Variants in EYS observed in about 807,000 individuals in gnomAD.
The protein encoded by EYS is EGF-like photoreceptor maintenance factor.
A neutral mutation model predicts 282.1 loss-of-function variants in EYS; 250 were observed. The observed-to-expected ratio is 0.89, with a 90% confidence interval of 0.80 to 0.98. EYS has a LOEUF of 0.98. EYS is among the 50% of genes least tolerant of loss of function. The pLI is 0.00. For synonymous variants in EYS, 1,355 were observed against 1,282.9 expected (o/e 1.06, Z -1.20); for missense variants, 4,016 against 3,709.0 (o/e 1.08, Z -2.15).
chr6:63,945,409 A>G (rs1442138754), intron 35 of EYS, among the ~76,000 whole-genome samples: 2 of 152,156 alleles, frequency 1.3e-5, no homozygotes, highest in African/African-American at 4.8e-5. Flanking sequence ...TATGGGAACT[A>G]CCATTCAAGA....
intron 29 of EYS, among the ~76,000 whole-genome samples, chr6:64,362,130 A>C (rs900756181): frequency 2.6e-5 from 4 of 151,790 alleles, no homozygotes; most frequent in Non-Finnish European, 5.9e-5. Flanking sequence ...TCTCCTCATA[A>C]TTTTATAGAA....
intron 31 of EYS, among the ~76,000 whole-genome samples, chr6:64,200,602 C>T (rs1765434371): frequency 6.6e-6 from 1 of 152,126 alleles, no homozygotes; most frequent in Admixed American, 6.6e-5. Flanking sequence ...GAGTGTCAGA[C>T]TCAGAGTTCA....
At chr6:65,654,966 TG>T in intron 1 of EYS, among the ~76,000 whole-genome samples, 1 of 139,576 alleles carries the variant, frequency 7.2e-6, no homozygotes, top group Non-Finnish European at 1.5e-5. Flanking sequence ...CTGAAGAGTC[TG>T]GGTCATTCAT....
chr6:64,068,979 G>A (rs1017850804), intron 32 of EYS, among the ~76,000 whole-genome samples: 1 of 152,044 alleles, frequency 6.6e-6, no homozygotes, highest in Admixed American at 6.6e-5. Context: ...AAGGGAGGAA[G>A]AGGGAGACTT....
intron 22 of EYS, among the ~76,000 whole-genome samples, chr6:64,772,127 A>G (rs1036688253): frequency 1.3e-5 from 2 of 151,536 alleles, no homozygotes; most frequent in African/African-American, 4.8e-5. Flanking sequence ...ATATATCTTT[A>G]TTCATCTTTT....
At chr6:65,418,610 T>C (rs528182872) in intron 5 of EYS, among the ~76,000 whole-genome samples, 95 of 152,100 alleles carry the variant, frequency 6.2e-4, no homozygotes, top group Non-Finnish European at 1.0e-3. Flanking sequence ...CCATCATCCT[T>C]AGCAAACTAA....
intron 22 of EYS, among the ~76,000 whole-genome samples, chr6:64,790,760 T>C: frequency 6.6e-6 from 1 of 151,928 alleles, no homozygotes; most frequent in East Asian, 1.9e-4. Context: ...AAAAGTGTTA[T>C]CATTTCAAAG....
At chr6:65,580,679 A>G (rs1194148170) in intron 2 of EYS, among the ~76,000 whole-genome samples, 1 of 152,076 alleles carries the variant, frequency 6.6e-6, no homozygotes, top group African/African-American at 2.4e-5. Context: ...ATGAAATGAG[A>G]CAGAGTCCAT....
intron 11 of EYS, chr6:65,331,108 C>T (rs1274020852): frequency 1.0e-6 from 1 of 981,552 alleles, no homozygotes; most frequent in Non-Finnish European, 1.2e-6. Context: ...ATTAGTCTTC[C>T]TTTTCAAAGA....
chr6:63,789,098 G>C lies in EYS; in HGVS notation c.7538C>G (p.Thr2513Ser), dbSNP rs1472840777. Reference sequence around the variant, plus strand: ...TTGGAAGAACTTGCCCAGATGAACAGTGTGGACTCCAAGGCTCAGATTGAG... The same window carrying C: ...TTGGAAGAACTTGCCCAGATGAACACTGTGGACTCCAAGGCTCAGATTGAG... ...EPLNLSLGVHTVHLGKFFQEG... is the reference protein window; with the variant it reads ...EPLNLSLGVHSVHLGKFFQEG... Residue 2513 changes from threonine (T) to serine (S), a missense_variant, in exon 38 of 43, where the codon ACT becomes AGT. Physicochemically the swap from Thr to Ser is moderately conservative, Grantham distance 58. Transcript: ENST00000503581. 1 of 1,551,686 alleles carries C rather than the reference G, an allele frequency of 6.4e-7. No homozygotes were observed. The highest frequency in any genetic ancestry group is 2.4e-5 in the East Asian group (1 of 40,922).
chr6:64,590,874 A>G lies in EYS; in HGVS notation c.4993T>C (p.Cys1665Arg). Reference sequence around the variant, plus strand: ...GTTTGTGAAGGGACAATGGATAAACAAGTCTTATCCAAACATAAATTAACA... The same window carrying G: ...GTTTGTGAAGGGACAATGGATAAACGAGTCTTATCCAAACATAAATTAACA... ...LDVNLCLDKT[C>R]LSIVPSQTIS... The change falls in exon 26 of 43, where the codon TGT becomes CGT. Residue 1665 changes from cysteine (C) to arginine (R), a missense_variant. Cys to Arg is a radical substitution (Grantham distance 180). Coordinates refer to ENST00000503581, the MANE Select transcript of EYS (RefSeq NM_001142800.2). The G allele has an allele frequency of 6.4e-7, 1 of 1,550,402 alleles. No individual in the cohort carries two copies. Among genetic ancestry groups the G allele is most frequent in the Non-Finnish European group, 8.7e-7 (1 of 1,146,372 alleles).
intron 33 of EYS, among the ~76,000 whole-genome samples, chr6:64,018,045 T>C (rs6926181): frequency 0.041 from 6,271 of 152,302 alleles, 436 homozygotes; most frequent in African/African-American, 0.14. Context: ...CCATGTCTTA[T>C]GTGTAAACCT....
At chr6:65,295,788 T>C in intron 12 of EYS, 75 bp downstream of exon 12, 6 of 1,212,470 alleles carry the variant, frequency 4.9e-6, no homozygotes, top group Non-Finnish European at 6.9e-6. Flanking sequence ...GAGATATATT[T>C]GAGATATATC....
At chr6:65,515,479 G>C (rs1417797485) in intron 2 of EYS, among the ~76,000 whole-genome samples, 1 of 150,866 alleles carries the variant, frequency 6.6e-6, no homozygotes, top group Non-Finnish European at 1.5e-5. Context: ...CTGCTATAAA[G>C]ACACATGCAC....
rs577446648 is a variant in EYS, at chr6:64,504,540, T to C, written c.5645-65188A>G. ...GTTCTGGATGCTGGACATTCACTACTGCTGTCAGAAAACTCACTGTCAAGT... is the reference window on the plus strand; with the variant it reads ...GTTCTGGATGCTGGACATTCACTACCGCTGTCAGAAAACTCACTGTCAAGT... On this transcript the variant is annotated intron_variant, in intron 26 of 42. Transcript: ENST00000503581. 2.6e-5 allele frequency among the ~76,000 whole-genome samples: 4 copies of C among 152,312 alleles called. No homozygotes were observed. The East Asian group carries it at 7.7e-4, about 29-fold the overall frequency.
Position 64,911,235 on chromosome 6 carries a change from G to T in EYS, c.2641+1249C>A, listed in dbSNP as rs578168276. Among the ~76,000 whole-genome samples, 306 of 152,112 alleles carry T rather than the reference G, an allele frequency of 2.0e-3. 1 individual carries two copies. Among genetic ancestry groups the T allele is most frequent in the African/African-American group, 7.2e-3 (299 of 41,532 alleles). Reference sequence around the variant, plus strand: ...TACTAAATTTTTCTGGGCATCAAATGCTCCCCTTGTATTTTTTCGTTTTTT... The same window carrying T: ...TACTAAATTTTTCTGGGCATCAAATTCTCCCCTTGTATTTTTTCGTTTTTT... On this transcript the variant is annotated intron_variant, in intron 16 of 42. Coordinates refer to ENST00000503581, the MANE Select transcript of EYS (RefSeq NM_001142800.2).
chr6:65,026,119 G>T (rs1380871985), intron 13 of EYS, among the ~76,000 whole-genome samples: 1 of 152,028 alleles, frequency 6.6e-6, no homozygotes, highest in Non-Finnish European at 1.5e-5. Flanking sequence ...GATTGAAAAA[G>T]ACTTCTTCAG....
At chr6:65,139,342 A>G (rs1459498707) in intron 12 of EYS, among the ~76,000 whole-genome samples, 1 of 152,114 alleles carries the variant, frequency 6.6e-6, no homozygotes, top group Non-Finnish European at 1.5e-5. Flanking sequence ...ACAGAAAACC[A>G]AATACCATCT....
intron 30 of EYS, among the ~76,000 whole-genome samples, chr6:64,287,269 T>C (rs1768535062): frequency 6.6e-6 from 1 of 152,164 alleles, no homozygotes. Flanking sequence ...ATAATTCACA[T>C]ATGATTCAGA....
Sources: allele counts gnomAD v4.1 joint callset (sites outside exome capture counted in the v4.1 genomes callset), GRCh38; gene constraint gnomAD v4.1.1; transcripts MANE v1.5; gene names NCBI Gene and HGNC (gene_info 2026-07-23, HGNC 2026-07-21).